The following VTI1A variants were observed in gnomAD, a reference collection of about 807,000 sequenced individuals.
VTI1A encodes the protein vesicle transport through interaction with t-SNAREs homolog 1A.
VTI1A carries 22 observed loss-of-function variants against 34.9 expected under a neutral mutation model. The observed-to-expected ratio is 0.63, with a 90% CI of 0.45 to 0.90. The LOEUF is 0.90. Among genes scored for constraint, VTI1A ranks in the 40% least tolerant of loss-of-function variants. The probability of loss-of-function intolerance (pLI) is 0.00; values close to 1 mark genes in which losing one functional copy is unlikely to be tolerated. For synonymous variants in VTI1A, 87 were observed against 97.3 expected, an observed-to-expected ratio of 0.89 and a Z score of 0.62; for missense variants, 268 against 275.6, an observed-to-expected ratio of 0.97 and a Z score of 0.20.
the VTI1A span, among the ~76,000 whole-genome samples, chr10:112,830,834 TATATA>T: frequency 2.1e-5 from 1 of 47,172 alleles, no homozygotes; most frequent in African/African-American, 8.1e-5. Flanking sequence ...TATATATATA[TATATA>T]TATATATATA....
intron 5 of VTI1A, among the ~76,000 whole-genome samples, chr10:112,665,290 G>C (rs1847602343): frequency 6.9e-6 from 1 of 144,448 alleles, no homozygotes; most frequent in African/African-American, 2.5e-5. Context: ...AGAAGAGTGG[G>C]CCCCACAGTG....
chr10:112,654,093 G>A (rs1300334475), intron 5 of VTI1A, among the ~76,000 whole-genome samples: 1 of 152,142 alleles, frequency 6.6e-6, no homozygotes, highest in Non-Finnish European at 1.5e-5. Flanking sequence ...GCTAAGAAAA[G>A]CAAACAATAA....
chr10:112,542,214 A>C (rs184832069), intron 5 of VTI1A, among the ~76,000 whole-genome samples: 8 of 152,286 alleles, frequency 5.3e-5, no homozygotes, highest in African/African-American at 1.9e-4. Context: ...GCTGAAAGAG[A>C]AATTGTACAA....
intron 5 of VTI1A, among the ~76,000 whole-genome samples, chr10:112,613,761 T>C (rs751181245): frequency 6.6e-6 from 1 of 152,220 alleles, no homozygotes; most frequent in East Asian, 1.9e-4. Context: ...CCTGACAGGC[T>C]CAGTGCACTT....
intron 5 of VTI1A, among the ~76,000 whole-genome samples, chr10:112,620,437 G>C (rs1036172159): frequency 6.6e-6 from 1 of 152,176 alleles, no homozygotes; most frequent in Non-Finnish European, 1.5e-5. Flanking sequence ...AAGAGAGGAA[G>C]AAACAGATTC....
chr10:112,500,817 G>A (rs959923437), intron 3 of VTI1A, among the ~76,000 whole-genome samples: 4 of 152,008 alleles, frequency 2.6e-5, no homozygotes, highest in Admixed American at 6.5e-5. Context: ...AAGCTCCACC[G>A]TTTAGAGTTG....
At chr10:112,828,758 T>C in the VTI1A span, among the ~76,000 whole-genome samples, 1 of 150,546 alleles carries the variant, frequency 6.6e-6, no homozygotes, top group African/African-American at 2.4e-5. Context: ...ATGCCTGTAA[T>C]CCCAGCACTT....
intron 5 of VTI1A, among the ~76,000 whole-genome samples, chr10:112,621,210 A>G (rs1276662751): frequency 6.6e-6 from 1 of 152,242 alleles, no homozygotes; most frequent in Non-Finnish European, 1.5e-5. Flanking sequence ...CGTTCCACCA[A>G]AAGATGACTT....
chr10:112,726,927 G>A (rs1850050211), intron 7 of VTI1A, among the ~76,000 whole-genome samples: 1 of 152,166 alleles, frequency 6.6e-6, no homozygotes, highest in Admixed American at 6.5e-5. Context: ...CCTGGTGCCA[G>A]TCTATGAACT....
At chr10:112,597,783 C>T (rs200492944) in intron 5 of VTI1A, among the ~76,000 whole-genome samples, 1 of 149,078 alleles carries the variant, frequency 6.7e-6, no homozygotes, top group East Asian at 2.0e-4. Flanking sequence ...CTGCAAGCTC[C>T]GCCTCCCGGG....
intron 5 of VTI1A, among the ~76,000 whole-genome samples, chr10:112,592,151 T>C (rs1274834926): frequency 2.0e-5 from 3 of 152,126 alleles, no homozygotes; most frequent in Non-Finnish European, 4.4e-5. Context: ...CAGAAGGAGT[T>C]TGGAAATGGA....
chr10:112,486,689 TAGAATATACAACTGTATATTCTAA>T (rs376555808), intron 3 of VTI1A, among the ~76,000 whole-genome samples: 3 of 148,836 alleles, frequency 2.0e-5, no homozygotes, highest in Admixed American at 6.6e-5. Context: ...AACTTATATT[TAGAATATACAACTGTATATTCTAA>T]AGAATATACA....
intron 5 of VTI1A, among the ~76,000 whole-genome samples, chr10:112,545,582 T>A (rs551447564): frequency 8.5e-5 from 13 of 152,326 alleles, no homozygotes; most frequent in Admixed American, 3.9e-4. Flanking sequence ...AGGAAATGAG[T>A]TAGTTTCTTG....
chr10:112,534,894 G>A (rs977091553), intron 4 of VTI1A, among the ~76,000 whole-genome samples: 1 of 152,020 alleles, frequency 6.6e-6, no homozygotes, highest in Non-Finnish European at 1.5e-5. Context: ...ACTAACAATT[G>A]ACTTGAAAAC....
chr10:112,749,358 AG>A (rs142788502), intron 7 of VTI1A, among the ~76,000 whole-genome samples: 7,275 of 152,244 alleles, frequency 0.048, 593 homozygotes, highest in African/African-American at 0.17. Context: ...TTTGAAAATG[AG>A]GGTAGGGGGT....
intron 4 of VTI1A, among the ~76,000 whole-genome samples, chr10:112,529,165 C>A (rs1589865700): frequency 6.6e-6 from 1 of 152,074 alleles, no homozygotes; most frequent in African/African-American, 2.4e-5. Context: ...AAATTATAGT[C>A]ATGAGAATAT....
At chr10:112,805,701 C>G (rs189446366) in intron 7 of VTI1A, among the ~76,000 whole-genome samples, 14 of 152,286 alleles carry the variant, frequency 9.2e-5, no homozygotes, top group Admixed American at 4.6e-4. Flanking sequence ...GAGATACCAC[C>G]TTGTGAAAAC....
intron 7 of VTI1A, chr10:112,737,062 CT>C (rs1004056985): frequency 1.4e-4 from 55 of 388,146 alleles, no homozygotes; most frequent in African/African-American, 3.3e-4. Flanking sequence ...AATTTTTTTT[CT>C]TTTTTTTTCT....
intron 3 of VTI1A, among the ~76,000 whole-genome samples, chr10:112,517,845 C>A (rs2134196305): frequency 6.6e-6 from 1 of 152,014 alleles, no homozygotes; most frequent in South Asian, 2.1e-4. Flanking sequence ...CCTAAGAAGT[C>A]ATGACTACTA....
Sources: gnomAD v4.1 joint callset for allele counts (sites outside exome capture counted in the v4.1 genomes callset) on GRCh38, gnomAD v4.1.1 for gene constraint, MANE v1.5 for transcripts, NCBI Gene and HGNC (gene_info 2026-07-23, HGNC 2026-07-21) for gene names.